The following RUNX2 variants were observed in gnomAD, a reference collection of about 807,000 sequenced individuals.
The protein encoded by RUNX2 is RUNX family transcription factor 2.
In RUNX2, 10 loss-of-function variants were observed where a neutral mutation model predicts 51.7. The observed-to-expected ratio is 0.19, with a 90% CI of 0.12 to 0.33. The LOEUF is 0.33. RUNX2 is among the 10% of genes least tolerant of loss of function. The probability of loss-of-function intolerance (pLI) is 1.00; values close to 1 mark genes in which losing one functional copy is unlikely to be tolerated. For synonymous variants in RUNX2, 276 were observed against 273.6 expected (o/e 1.01, Z -0.09); for missense variants, 562 against 691.3 (o/e 0.81, Z 2.10).
intron 2 of RUNX2, among the ~76,000 whole-genome samples, chr6:45,381,624 TC>T (rs1797242651): frequency 6.6e-6 from 1 of 151,960 alleles, no homozygotes; most frequent in Admixed American, 6.6e-5. Context: ...GATGGGGATC[TC>T]CCTAGGTTGC....
At chr6:45,521,934 C>T (rs1342320096) in intron 7 of RUNX2, among the ~76,000 whole-genome samples, 1 of 152,168 alleles carries the variant, frequency 6.6e-6, no homozygotes, top group African/African-American at 2.4e-5. Context: ...TGTCAATCTG[C>T]ATTTCTCCAA....
At chr6:45,467,875 T>C (rs1799682918) in intron 5 of RUNX2, among the ~76,000 whole-genome samples, 1 of 152,248 alleles carries the variant, frequency 6.6e-6, no homozygotes, top group East Asian at 1.9e-4. Flanking sequence ...AACTAACCTT[T>C]CCTTACCTTA....
intron 2 of RUNX2, among the ~76,000 whole-genome samples, chr6:45,402,070 A>T (rs112275894): frequency 1.2e-4 from 19 of 152,236 alleles, no homozygotes; most frequent in African/African-American, 3.6e-4. Context: ...TTGGTTAATT[A>T]TGCTCTTAGA....
rs1347512479 is a variant in RUNX2 at position 45,548,708 on chromosome 6, C to T, written c.*1403C>T. ...CCAGGCTTCATAGCAAAGACATAGT[C>T]AGCTAAAAGCCGCACATGTGGATAG... On this transcript the variant is annotated 3_prime_UTR_variant, in exon 9 of 9. Coordinates refer to ENST00000647337, the MANE Select transcript of RUNX2 (RefSeq NM_001024630.4). The T allele has an allele frequency of 6.3e-6, 1 of 157,792 alleles. No homozygotes were observed. The highest frequency in any genetic ancestry group is 1.4e-5 in the Non-Finnish European group (1 of 71,680). The allele number at this position is 157,792 out of a possible 1,614,324, so 9.8% of individuals were successfully genotyped here. A position where few individuals can be genotyped will look rare whatever the true frequency, so the allele number is the denominator to read the frequency against.
intron 2 of RUNX2, among the ~76,000 whole-genome samples, chr6:45,411,734 A>T (rs1212049435): frequency 6.6e-6 from 1 of 152,214 alleles, no homozygotes; most frequent in Non-Finnish European, 1.5e-5. Context: ...ATAACACTTC[A>T]ACCAGTTTTC....
intron 6 of RUNX2, among the ~76,000 whole-genome samples, chr6:45,505,353 G>A (rs1053836411): frequency 6.6e-6 from 1 of 151,336 alleles, no homozygotes; most frequent in Non-Finnish European, 1.5e-5. Context: ...TCATTTTCCT[G>A]GGATGCCTTT....
At chr6:45,434,278 A>G (rs1035891646) in intron 4 of RUNX2, among the ~76,000 whole-genome samples, 3 of 152,148 alleles carry the variant, frequency 2.0e-5, no homozygotes, top group Admixed American at 6.5e-5. Flanking sequence ...GACCTGCTTT[A>G]TAACAGACTC....
intron 2 of RUNX2, among the ~76,000 whole-genome samples, chr6:45,330,785 C>T (rs368627495): frequency 2.8e-4 from 42 of 151,900 alleles, no homozygotes; most frequent in Non-Finnish European, 4.6e-4. Flanking sequence ...CTTCCCTCCC[C>T]GCCAGCCCCC....
chr6:45,488,141 T>C (rs1582164481), intron 5 of RUNX2, among the ~76,000 whole-genome samples: 1 of 152,020 alleles, frequency 6.6e-6, no homozygotes, highest in East Asian at 1.9e-4. Context: ...GTTATATCAG[T>C]AGAAATGGAG....
intron 2 of RUNX2, among the ~76,000 whole-genome samples, chr6:45,387,871 A>G (rs1187441249): frequency 6.6e-6 from 1 of 152,206 alleles, no homozygotes; most frequent in Admixed American, 6.5e-5. Context: ...GTTGAAGGTA[A>G]TCGTTGGCAA....
At chr6:45,360,781 A>C (rs1794114371) in intron 2 of RUNX2, among the ~76,000 whole-genome samples, 1 of 152,182 alleles carries the variant, frequency 6.6e-6, no homozygotes, top group African/African-American at 2.4e-5. Context: ...AGAACACTTA[A>C]CAGACATTCC....
intron 2 of RUNX2, among the ~76,000 whole-genome samples, chr6:45,369,531 T>C (rs966358822): frequency 3.9e-5 from 6 of 152,046 alleles, no homozygotes; most frequent in African/African-American, 9.7e-5. Flanking sequence ...TCCAGAGAAA[T>C]AAAAAGCTAT....
In RUNX2 at chr6:45,411,412, T is replaced by C. The variant is rs573472836; in HGVS notation, c.59-11181T>C. Among the ~76,000 whole-genome samples, 19 of 152,292 alleles carry C rather than the reference T, an allele frequency of 1.2e-4. No individual in the cohort carries two copies. The South Asian group carries it at 1.9e-3, about 15-fold the overall frequency. On this transcript the variant is annotated intron_variant, in intron 2 of 8. Coordinates refer to ENST00000647337, the MANE Select transcript of RUNX2 (RefSeq NM_001024630.4). ...AACACTGACAATAAGAAACATTCTA[T>C]AGAAAGTTTGACTTTGAACTGGAAT...
intron 7 of RUNX2, among the ~76,000 whole-genome samples, chr6:45,536,905 G>A (rs1365398455): frequency 6.6e-6 from 1 of 152,200 alleles, no homozygotes; most frequent in Non-Finnish European, 1.5e-5. Flanking sequence ...TGGACCTGCA[G>A]CTGGGTGTGT....
At chr6:45,413,429 CTTTTTTTTTTTT>C (rs67659911) in intron 2 of RUNX2, among the ~76,000 whole-genome samples, 5 of 56,588 alleles carry the variant, frequency 8.8e-5, no homozygotes, top group South Asian at 1.1e-3. Context: ...AAGATACATT[CTTTTTTTTTTTT>C]TTTTTTTTTT....
At chr6:45,391,404 C>A (rs554946144) in intron 2 of RUNX2, among the ~76,000 whole-genome samples, 24 of 152,296 alleles carry the variant, frequency 1.6e-4, no homozygotes, top group Admixed American at 9.2e-4. Context: ...TGATTATAAG[C>A]TTTCTGGGCA....
intron 5 of RUNX2, among the ~76,000 whole-genome samples, chr6:45,463,634 T>A (rs185839356): frequency 9.6e-4 from 146 of 152,208 alleles, no homozygotes; most frequent in Non-Finnish European, 1.7e-3. Flanking sequence ...AATGCTTTTT[T>A]TAAAAAAATG....
intron 5 of RUNX2, among the ~76,000 whole-genome samples, chr6:45,459,895 T>C (rs1799423963): frequency 1.3e-5 from 2 of 152,132 alleles, no homozygotes; most frequent in Admixed American, 1.3e-4. Context: ...CATCTATCAA[T>C]ATCTAGGTAG....
chr6:45,419,533 G>A (rs559680908), intron 2 of RUNX2, among the ~76,000 whole-genome samples: 3 of 152,332 alleles, frequency 2.0e-5, no homozygotes, highest in East Asian at 1.9e-4. Context: ...GTGCACATGA[G>A]TGGACGTGTA....
Sources: allele counts gnomAD v4.1 joint callset (sites outside exome capture counted in the v4.1 genomes callset), GRCh38; gene constraint gnomAD v4.1.1; transcripts MANE v1.5; gene names NCBI Gene and HGNC (gene_info 2026-07-23, HGNC 2026-07-21).